The following EXOC2 variants were observed in gnomAD, a reference collection of about 807,000 sequenced individuals.
EXOC2 encodes exocyst complex component 2.
In EXOC2, 70 loss-of-function variants were observed where a neutral mutation model predicts 131.8. That is an observed-to-expected ratio of 0.53 (90% confidence interval 0.44 to 0.65). EXOC2 has a LOEUF of 0.65. Among genes scored for constraint, EXOC2 ranks in the 30% least tolerant of loss-of-function variants. The pLI is 0.00. For missense variants in EXOC2, 923 were observed against 1,108.6 expected (o/e 0.83, Z 2.38); for synonymous variants, 411 against 398.4 (o/e 1.03, Z -0.38).
intron 25 of EXOC2, among the ~76,000 whole-genome samples, chr6:496,349 G>T (rs1763740600): frequency 6.6e-6 from 1 of 152,186 alleles, no homozygotes; most frequent in African/African-American, 2.4e-5. Flanking sequence ...AAGGACTGTT[G>T]ATTTTTTATT....
intron 1 of EXOC2, among the ~76,000 whole-genome samples, chr6:678,798 A>C (rs933516507): frequency 6.6e-6 from 1 of 152,226 alleles, no homozygotes; most frequent in African/African-American, 2.4e-5. Flanking sequence ...CGTAGTCAGG[A>C]CAGCCAAAGA....
chr6:655,982 G>T, intron 1 of EXOC2: 1 of 691,004 alleles, frequency 1.4e-6, no homozygotes, highest in Non-Finnish European at 2.5e-6. Context: ...AGGAGGAAGG[G>T]CTCAACAAAA....
chr6:687,422 A>G (rs1031533723), intron 1 of EXOC2, among the ~76,000 whole-genome samples: 2 of 151,946 alleles, frequency 1.3e-5, no homozygotes, highest in African/African-American at 4.8e-5. Flanking sequence ...GGCTCAAGCT[A>G]TCCTTCCACC....
chr6:613,074 G>A lies in EXOC2; in HGVS notation c.662-2896C>T, dbSNP rs576262924. Reference sequence around the variant, plus strand: ...CCACCACCCAGGAGGACCAGCGTGAGCAGTATCTGCTAACAACCCACAGGT... The same window carrying A: ...CCACCACCCAGGAGGACCAGCGTGAACAGTATCTGCTAACAACCCACAGGT... On this transcript the variant is annotated intron_variant, in intron 6 of 27. Coordinates refer to ENST00000230449, the MANE Select transcript of EXOC2 (RefSeq NM_018303.6). Among the ~76,000 whole-genome samples the A allele has an allele frequency of 5.9e-5, 9 of 152,276 alleles. No homozygotes were observed. In the South Asian group the frequency reaches 1.5e-3, roughly 25 times the overall value.
intron 2 of EXOC2, among the ~76,000 whole-genome samples, chr6:635,406 T>C (rs1295007973): frequency 6.6e-6 from 1 of 152,248 alleles, no homozygotes; most frequent in African/African-American, 2.4e-5. Context: ...ATATCTGTTG[T>C]GCATTTTTAC....
intron 23 of EXOC2, among the ~76,000 whole-genome samples, chr6:501,990 C>T (rs991393342): frequency 5.3e-5 from 8 of 152,214 alleles, no homozygotes; most frequent in East Asian, 3.9e-4. Context: ...CCACACCCCC[C>T]GGTGTCCCCA....
intron 22 of EXOC2, among the ~76,000 whole-genome samples, chr6:534,350 G>C (rs963376791): frequency 6.6e-6 from 1 of 152,140 alleles, no homozygotes; most frequent in Non-Finnish European, 1.5e-5. Context: ...TGCCAGGCTA[G>C]ACTGGTAAGA....
chr6:628,632 T>C (rs1398310282), intron 4 of EXOC2, among the ~76,000 whole-genome samples: 1 of 152,216 alleles, frequency 6.6e-6, no homozygotes, highest in Non-Finnish European at 1.5e-5. Context: ...TGCCCATGTA[T>C]AAAACTGGCT....
At chr6:578,803 AT>A (rs2127603285) in intron 11 of EXOC2, among the ~76,000 whole-genome samples, 1 of 152,148 alleles carries the variant, frequency 6.6e-6, no homozygotes, top group East Asian at 1.9e-4. Context: ...TGAAGAAAGT[AT>A]TTTTTTCTAA....
At chr6:621,724 T>C (rs747352435) in intron 4 of EXOC2, among the ~76,000 whole-genome samples, 4 of 152,196 alleles carry the variant, frequency 2.6e-5, no homozygotes, top group Non-Finnish European at 5.9e-5. Flanking sequence ...ATCCTCCCGA[T>C]ACATGCATGT....
chr6:610,410 CA>C (rs1760656049), intron 6 of EXOC2, among the ~76,000 whole-genome samples: 1 of 152,116 alleles, frequency 6.6e-6, no homozygotes, highest in Non-Finnish European at 1.5e-5. Context: ...TCTTCAAGAA[CA>C]AGTGGTAAAA....
At chr6:667,995 C>A (rs1352735158) in intron 1 of EXOC2, among the ~76,000 whole-genome samples, 1 of 152,172 alleles carries the variant, frequency 6.6e-6, no homozygotes, top group Admixed American at 6.5e-5. Flanking sequence ...TTTCACTCCA[C>A]TCTATTCTTC....
chr6:498,172 C>T (rs1191929457), intron 24 of EXOC2, among the ~76,000 whole-genome samples: 1 of 152,114 alleles, frequency 6.6e-6, no homozygotes, highest in Non-Finnish European at 1.5e-5. Context: ...TTTGAATTAA[C>T]CCAAACATAA....
Position 549,227 on chromosome 6 carries a change from A to G in EXOC2, c.2186T>C (p.Ile729Thr). The change falls in exon 22 of 28, where the codon ATC (isoleucine) becomes ACC (threonine). Residue 729 changes from isoleucine (I) to threonine (T), a missense_variant. Coordinates refer to ENST00000230449, the MANE Select transcript of EXOC2 (RefSeq NM_018303.6). ...CYLERHTFLN[I>T]AEHFEKHNFQ... is the part of the protein sequence containing the mutation. Reference sequence around the variant, plus strand: ...GTTGTGCTTTTCAAAATGTTCTGCGATATTTAGGAAGGTGTGACGTTCTAG... The same window carrying G: ...GTTGTGCTTTTCAAAATGTTCTGCGGTATTTAGGAAGGTGTGACGTTCTAG... 6.2e-7 allele frequency: 1 copy of G among 1,614,198 alleles called. No individual in the cohort carries two copies. Among genetic ancestry groups the G allele is most frequent in the Non-Finnish European group, 8.5e-7 (1 of 1,180,032 alleles).
At chr6:502,072 G>A (rs1237370199) in intron 23 of EXOC2, among the ~76,000 whole-genome samples, 4 of 152,112 alleles carry the variant, frequency 2.6e-5, no homozygotes, top group Non-Finnish European at 5.9e-5. Flanking sequence ...GCCCCACCCA[G>A]GGGCGGAGAT....
intron 22 of EXOC2, among the ~76,000 whole-genome samples, chr6:541,539 G>C (rs920313359): frequency 6.6e-6 from 1 of 151,950 alleles, no homozygotes; most frequent in Non-Finnish European, 1.5e-5. Context: ...GCGATAGTAA[G>C]TACAAAAAAT....
intron 1 of EXOC2, among the ~76,000 whole-genome samples, chr6:638,135 A>T (rs747370978): frequency 2.0e-5 from 3 of 152,168 alleles, no homozygotes; most frequent in Non-Finnish European, 2.9e-5. Flanking sequence ...AGAGAAACTA[A>T]TGTCACCACG....
intron 1 of EXOC2, among the ~76,000 whole-genome samples, chr6:680,998 C>T (rs911864468): frequency 1.3e-5 from 2 of 152,138 alleles, no homozygotes; most frequent in African/African-American, 4.8e-5. Context: ...TGTGAAATTC[C>T]TGCCATAAGA....
chr6:501,753 CA>C (rs1248998671), intron 23 of EXOC2, among the ~76,000 whole-genome samples: 1 of 143,796 alleles, frequency 7.0e-6, no homozygotes, highest in Non-Finnish European at 1.5e-5. Flanking sequence ...CTCCTCAAAA[CA>C]AAAACAGTGT....
Sources: gnomAD v4.1 joint callset for allele counts (sites outside exome capture counted in the v4.1 genomes callset) on GRCh38, gnomAD v4.1.1 for gene constraint, MANE v1.5 for transcripts, NCBI Gene and HGNC (gene_info 2026-07-23, HGNC 2026-07-21) for gene names.